Variants in ATP10B observed in about 807,000 individuals in gnomAD.
ATP10B encodes phospholipid-transporting ATPase VB.
Under a neutral mutation model 141.2 loss-of-function variants are expected in ATP10B, and 122 were observed. The ratio of observed to expected loss-of-function variants is 0.86; its 90% CI spans 0.75 to 1.00. The LOEUF (loss-of-function observed/expected upper bound fraction) is 1.00. ATP10B is among the 50% of genes least tolerant of loss of function. The pLI is 0.00. For synonymous variants in ATP10B, 685 were observed against 692.0 expected (o/e 0.99, Z 0.16); for missense variants, 1,876 against 1,825.3 (o/e 1.03, Z -0.51).
intron 1 of ATP10B, among the ~76,000 whole-genome samples, chr5:160,826,374 A>T (rs1341820278): frequency 6.6e-6 from 1 of 152,198 alleles, no homozygotes; most frequent in East Asian, 1.9e-4. Context: ...TGAAGATTTC[A>T]TGGACATTTA....
intron 18 of ATP10B, among the ~76,000 whole-genome samples, chr5:160,607,358 CATAAG>C (rs1757452383): frequency 1.3e-5 from 2 of 152,140 alleles, no homozygotes; most frequent in African/African-American, 4.8e-5. Flanking sequence ...ACAAGGATGG[CATAAG>C]ATAATAAATA....
At chr5:160,704,968 G>A (rs1199216481) in intron 3 of ATP10B, among the ~76,000 whole-genome samples, 2 of 107,212 alleles carry the variant, frequency 1.9e-5, no homozygotes, top group African/African-American at 3.9e-5. Context: ...ACCCAGGTTG[G>A]AGTGCAGTGG....
Position 160,636,289 on chromosome 5 carries a change from T to C in ATP10B, c.1021A>G (p.Thr341Ala). 1 of 1,613,116 alleles carries C rather than the reference T, an allele frequency of 6.2e-7. No homozygotes were observed. Among genetic ancestry groups the C allele is most frequent in the South Asian group, 1.1e-5 (1 of 90,816 alleles). ...TCGAAGGGAGGGTGTTCTTCAAAGGTCCCATTCCAGATGCTGTGACCTGAG... is the reference window on the plus strand; with the variant it reads ...TCGAAGGGAGGGTGTTCTTCAAAGGCCCCATTCCAGATGCTGTGACCTGAG... ...GAVGHSIWNGTFEEHPPFDVP... is the reference protein window; with the variant it reads ...GAVGHSIWNGAFEEHPPFDVP... Residue 341 changes from threonine to alanine, a missense_variant, in exon 11 of 26, where the codon ACC becomes GCC. Transcript: ENST00000327245.
intron 6 of ATP10B, among the ~76,000 whole-genome samples, chr5:160,672,122 G>A (rs10045915): frequency 0.65 from 98,497 of 151,086 alleles, 32,697 homozygotes; most frequent in Middle Eastern, 0.78. Context: ...GATTATAGGC[G>A]CCTGCCACCA....
intron 1 of ATP10B, among the ~76,000 whole-genome samples, chr5:160,797,433 C>T (rs924139482): frequency 6.6e-6 from 1 of 152,204 alleles, no homozygotes; most frequent in Non-Finnish European, 1.5e-5. Context: ...TTCTGCAGCA[C>T]TTTTTCAGTC....
At chr5:160,722,111 T>G (rs1766037686) in intron 2 of ATP10B, among the ~76,000 whole-genome samples, 1 of 152,216 alleles carries the variant, frequency 6.6e-6, no homozygotes, top group Admixed American at 6.5e-5. Context: ...GGCTGTTAAC[T>G]AAACATATCC....
chr5:160,728,334 C>T (rs1170069676), intron 2 of ATP10B, among the ~76,000 whole-genome samples: 1 of 152,158 alleles, frequency 6.6e-6, no homozygotes, highest in African/African-American at 2.4e-5. Context: ...CACCCTGAAG[C>T]TGGCTTAACA....
intron 22 of ATP10B, among the ~76,000 whole-genome samples, chr5:160,596,873 A>G (rs1292440088): frequency 6.6e-6 from 1 of 152,322 alleles, no homozygotes; most frequent in East Asian, 1.9e-4. Context: ...ACTACAAACC[A>G]CTGCTCAATG....
the ATP10B span, among the ~76,000 whole-genome samples, chr5:160,905,336 T>C: frequency 2.0e-5 from 3 of 152,260 alleles, no homozygotes; most frequent in Non-Finnish European, 4.4e-5. Context: ...AAGATCCAGA[T>C]GGGCCTATGT....
At chr5:160,799,120 AT>A (rs58788178) in intron 1 of ATP10B, among the ~76,000 whole-genome samples, 66,747 of 150,934 alleles carry the variant, frequency 0.44, 14,776 homozygotes, top group East Asian at 0.6. Flanking sequence ...TCAAAAGCTG[AT>A]TTTTTTTTTC....
intron 2 of ATP10B, among the ~76,000 whole-genome samples, chr5:160,744,851 A>G (rs1767698601): frequency 6.6e-6 from 1 of 152,212 alleles, no homozygotes; most frequent in Non-Finnish European, 1.5e-5. Flanking sequence ...ACAGGCTGTG[A>G]GACACGAATT....
chr5:160,923,075 TAGAC>T, the ATP10B span, among the ~76,000 whole-genome samples: 10 of 152,268 alleles, frequency 6.6e-5, no homozygotes, highest in East Asian at 1.2e-3. Context: ...ATGTGGAGAA[TAGAC>T]AGAGCAGAAG....
intron 1 of ATP10B, among the ~76,000 whole-genome samples, chr5:160,848,395 T>C (rs533573771): frequency 6.6e-6 from 1 of 152,322 alleles, no homozygotes; most frequent in Non-Finnish European, 1.5e-5. Flanking sequence ...CTTACAAAAG[T>C]AGCACAGCTA....
At chr5:160,863,055 A>G in the ATP10B span, among the ~76,000 whole-genome samples, 6 of 152,012 alleles carry the variant, frequency 3.9e-5, no homozygotes, top group Non-Finnish European at 7.4e-5. Context: ...GATATTTGAT[A>G]AAGTGATTTG....
chr5:160,742,323 CA>C (rs1237587772), intron 2 of ATP10B, among the ~76,000 whole-genome samples: 1 of 152,000 alleles, frequency 6.6e-6, no homozygotes, highest in African/African-American at 2.4e-5. Context: ...CTGTTACTCA[CA>C]TCCTTCACTG....
Position 160,565,382 on chromosome 5 carries a change from A to G in ATP10B, c.*71T>C, listed in dbSNP as rs1754468366. ...GCACATTGTTTCCTCTATGAAGAAG[A>G]AGGGGTCAAGGGTTATGTGGACCAG... is the stretch of plus-strand genomic sequence containing the variant. On this transcript the variant is annotated 3_prime_UTR_variant, in exon 26 of 26. Transcript: ENST00000327245. 4.9e-6 allele frequency: 7 copies of G among 1,425,510 alleles called. No homozygotes were observed. In the South Asian group the frequency reaches 8.9e-5, roughly 18 times the overall value. 88.3% of individuals were successfully genotyped at this position (1,425,510 alleles called of 1,614,324 possible).
rs767491640 is a variant in ATP10B at position 160,565,448 on chromosome 5, G to A, written c.*5C>T. The A allele has an allele frequency of 1.2e-6, 2 of 1,613,370 alleles. No homozygotes were observed. The highest frequency in any genetic ancestry group is 2.2e-5 in the South Asian group (2 of 90,996). On this transcript the variant is annotated 3_prime_UTR_variant, in exon 26 of 26. Transcript: ENST00000327245. ...TGTTGAGTTTGTACAGATTTCTGCA[G>A]CTCCTCATATGGTCAGTGAACTCTG...
At chr5:160,922,490 G>T in the ATP10B span, among the ~76,000 whole-genome samples, 1 of 152,172 alleles carries the variant, frequency 6.6e-6, no homozygotes, top group African/African-American at 2.4e-5. Flanking sequence ...GCAGGTCCGA[G>T]GACACTCAGA....
At chr5:160,902,466 G>A in the ATP10B span, among the ~76,000 whole-genome samples, 2 of 151,658 alleles carry the variant, frequency 1.3e-5, no homozygotes, top group African/African-American at 4.8e-5. Context: ...GAGAGATTTT[G>A]GCAAATGTAT....
Sources: allele counts gnomAD v4.1 joint callset (sites outside exome capture counted in the v4.1 genomes callset), GRCh38; gene constraint gnomAD v4.1.1; transcripts MANE v1.5; gene names NCBI Gene and HGNC (gene_info 2026-07-23, HGNC 2026-07-21).